The following ALMS1 variants were observed in gnomAD, a reference collection of about 807,000 sequenced individuals.
The protein encoded by ALMS1 is ALMS1 centrosome and basal body associated protein, also known as centrosome-associated protein ALMS1.
ALMS1 carries 271 observed loss-of-function variants against 352.2 expected under a neutral mutation model. That is an observed-to-expected ratio of 0.77 (90% CI 0.70 to 0.85). The LOEUF is 0.85. ALMS1 is among the 40% of genes least tolerant of loss of function. The probability of loss-of-function intolerance (pLI) is 0.00; values close to 1 mark genes in which losing one functional copy is unlikely to be tolerated. For synonymous variants in ALMS1, 1,865 were observed against 1,761.2 expected (o/e 1.06, Z -1.48); for missense variants, 5,445 against 4,870.7 (o/e 1.12, Z -3.51).
At chr2:73,436,986 T>A (rs1671616399) in intron 7 of ALMS1, among the ~76,000 whole-genome samples, 1 of 152,218 alleles carries the variant, frequency 6.6e-6, no homozygotes, top group South Asian at 2.1e-4. Flanking sequence ...TTGGATAATA[T>A]CTTGTTGCAG....
rs1395039285 is a variant in ALMS1 at position 73,450,702 on chromosome 2, A to G, written c.4175A>G (p.Tyr1392Cys). ...SQHTEKPSIF[Y>C]QQSLPGSHLT... ...CATACAGAGAAGCCGAGTATTTTCTACCAACAGTCGTTGCCAGGTAGTCAT... is the reference window on the plus strand; with the variant it reads ...CATACAGAGAAGCCGAGTATTTTCTGCCAACAGTCGTTGCCAGGTAGTCAT... The change falls in exon 8 of 23, where the codon TAC becomes TGC. Residue 1392 changes from tyrosine to cysteine, a missense_variant. Coordinates refer to ENST00000613296, the MANE Select transcript of ALMS1 (RefSeq NM_001378454.1). 4.3e-6 allele frequency: 7 copies of G among 1,612,898 alleles called. No individual in the cohort carries two copies. The highest frequency in any genetic ancestry group is 5.9e-6 in the Non-Finnish European group (7 of 1,179,610).
intron 10 of ALMS1, among the ~76,000 whole-genome samples, chr2:73,506,090 A>G (rs1673314324): frequency 6.6e-6 from 1 of 152,154 alleles, no homozygotes; most frequent in Non-Finnish European, 1.5e-5. Flanking sequence ...CAAAGATCAG[A>G]TGGTTGTAGA....
At chr2:73,514,258 A>G (rs895515430) in intron 10 of ALMS1, among the ~76,000 whole-genome samples, 72 of 152,114 alleles carry the variant, frequency 4.7e-4, no homozygotes, top group African/African-American at 1.5e-3. Flanking sequence ...GCTATCCTCT[A>G]TTATTTTAGA....
chr2:73,494,198 C>T (rs1235104385), intron 10 of ALMS1, among the ~76,000 whole-genome samples: 1 of 152,114 alleles, frequency 6.6e-6, no homozygotes, highest in South Asian at 2.1e-4. Context: ...TGTAACCTAC[C>T]CTTGGATGTG....
chr2:73,600,578 A>G, intron 17 of ALMS1, 100 bp from the exon 18 acceptor site: 2 of 1,125,780 alleles, frequency 1.8e-6, no homozygotes, highest in Non-Finnish European at 2.5e-6. Context: ...AAGGGATTGT[A>G]TTTTTGAAAC....
At chr2:73,536,841 A>G (rs1348727514) in intron 12 of ALMS1, among the ~76,000 whole-genome samples, 1 of 152,234 alleles carries the variant, frequency 6.6e-6, no homozygotes, top group Non-Finnish European at 1.5e-5. Flanking sequence ...ATAGCAACCC[A>G]GGGAGTATTT....
At chr2:73,426,876 T>G (rs1379306521) in intron 6 of ALMS1, among the ~76,000 whole-genome samples, 2 of 152,240 alleles carry the variant, frequency 1.3e-5, no homozygotes, top group South Asian at 4.1e-4. Flanking sequence ...TTTCCAAATT[T>G]TATTTGAAAA....
chr2:73,408,850 T>C, intron 2 of ALMS1, 103 bp downstream of exon 2: 1 of 963,650 alleles, frequency 1.0e-6, no homozygotes, highest in South Asian at 1.8e-5. Flanking sequence ...TTCATTAATA[T>C]TATGTTTTCT....
intron 12 of ALMS1, among the ~76,000 whole-genome samples, chr2:73,539,819 T>A (rs1674124890): frequency 6.6e-6 from 1 of 152,102 alleles, no homozygotes; most frequent in South Asian, 2.1e-4. Flanking sequence ...AAGAGAAGTT[T>A]AGAGAAAAAA....
At position 73,424,512 on chromosome 2, in the gene ALMS1, G is replaced by C. The variant is rs780066739; in HGVS notation, c.847G>C (p.Glu283Gln). 9.3e-6 allele frequency: 15 copies of C among 1,609,782 alleles called. No individual in the cohort carries two copies. Among genetic ancestry groups the C allele is most frequent in the Non-Finnish European group, 1.3e-5 (15 of 1,177,692 alleles). Residue 283 changes from glutamate to glutamine, a missense_variant, in exon 5 of 23, where the codon GAA becomes CAA. By Grantham distance (29) the Glu-to-Gln change is conservative (BLOSUM62 2). Transcript: ENST00000613296. ...VSEALFQATA[E>Q]VASDLASSRF... ...TGAAGCTTTATTCCAGGCTACTGCA[G>C]AAGTAGCTTCAGACTTAGCAAGCAG...
At chr2:73,593,119 C>T (rs562697576) in intron 16 of ALMS1, among the ~76,000 whole-genome samples, 3 of 125,598 alleles carry the variant, frequency 2.4e-5, no homozygotes, top group African/African-American at 9.2e-5. Flanking sequence ...ATTAGAGATG[C>T]GTGGGACTCT....
chr2:73,512,924 T>C (rs1044020419), intron 10 of ALMS1, among the ~76,000 whole-genome samples: 8 of 152,236 alleles, frequency 5.3e-5, no homozygotes, highest in African/African-American at 1.7e-4. Flanking sequence ...ACTAGGCATA[T>C]GTGTTGCTCC....
At chr2:73,437,579 T>C (rs1671628537) in intron 7 of ALMS1, among the ~76,000 whole-genome samples, 1 of 152,210 alleles carries the variant, frequency 6.6e-6, no homozygotes, top group African/African-American at 2.4e-5. Context: ...CTTGTTACTT[T>C]ATGGATCGTA....
chr2:73,505,700 T>G (rs1023919373), intron 10 of ALMS1, among the ~76,000 whole-genome samples: 4 of 152,186 alleles, frequency 2.6e-5, no homozygotes, highest in African/African-American at 4.8e-5. Context: ...CAGCCCTTTT[T>G]CAGATGGATA....
chr2:73,482,983 G>A (rs1012492749), intron 9 of ALMS1, among the ~76,000 whole-genome samples: 63 of 152,150 alleles, frequency 4.1e-4, no homozygotes, highest in Non-Finnish European at 1.8e-4. Context: ...TTCTTTATTA[G>A]TCTTGCTAGC....
chr2:73,430,243 A>AT, intron 6 of ALMS1, among the ~76,000 whole-genome samples: 1 of 151,852 alleles, frequency 6.6e-6, no homozygotes, highest in African/African-American at 2.4e-5. Flanking sequence ...TGCCCGGCTA[A>AT]TTTTTTGTAT....
chr2:73,408,427 T>G (rs974440239), intron 1 of ALMS1, among the ~76,000 whole-genome samples, 195 bp from the exon 2 acceptor site: 3 of 152,228 alleles, frequency 2.0e-5, no homozygotes, highest in African/African-American at 4.8e-5. Flanking sequence ...CTGCTGTGGT[T>G]TATGCAAAAG....
At chr2:73,602,675 G>T (rs537283376) in intron 20 of ALMS1, among the ~76,000 whole-genome samples, 1 of 152,268 alleles carries the variant, frequency 6.6e-6, no homozygotes, top group African/African-American at 2.4e-5. Context: ...CTGATTCCAG[G>T]CTTGCCTACC....
chr2:73,398,014 A>G (rs749621036), intron 1 of ALMS1, among the ~76,000 whole-genome samples: 6 of 152,232 alleles, frequency 3.9e-5, no homozygotes, highest in Non-Finnish European at 8.8e-5. Flanking sequence ...TTCATAGATT[A>G]TATGCCTTTA....
Sources: allele counts gnomAD v4.1 joint callset (sites outside exome capture counted in the v4.1 genomes callset), GRCh38; gene constraint gnomAD v4.1.1; transcripts MANE v1.5; gene names NCBI Gene and HGNC (gene_info 2026-07-23, HGNC 2026-07-21).